VPS13B: variants seen among roughly 807,000 people sequenced by gnomAD.
VPS13B encodes the protein intermembrane lipid transfer protein VPS13B.
In VPS13B, 285 loss-of-function variants were observed where a neutral mutation model predicts 426.4. The ratio of observed to expected loss-of-function variants is 0.67; its 90% CI spans 0.61 to 0.74. The LOEUF (loss-of-function observed/expected upper bound fraction) is 0.74, where lower values mean the gene tolerates loss of function less well. Ranked by LOEUF, VPS13B falls within the 30% of genes least tolerant of loss-of-function variation. The pLI, the probability that VPS13B is intolerant of heterozygous loss-of-function variation, is 0.00. For missense variants in VPS13B, 4,537 were observed against 4,782.6 expected (o/e 0.95, Z 1.51); for synonymous variants, 1,676 against 1,676.4 (o/e 1.00, Z 0.01).
intron 12 of VPS13B, among the ~76,000 whole-genome samples, chr8:99,137,523 A>T (rs1020815892): frequency 5.9e-5 from 9 of 151,782 alleles, no homozygotes; most frequent in African/African-American, 2.2e-4. Flanking sequence ...GAGAACTAGA[A>T]GTGTGGGTAA....
At chr8:99,808,508 C>CAAAA (rs758638504) in intron 43 of VPS13B, among the ~76,000 whole-genome samples, 72 of 64,922 alleles carry the variant, frequency 1.1e-3, no homozygotes, top group African/African-American at 3.7e-3. Context: ...GAGCGAGACT[C>CAAAA]AAAAAAAAAA....
intron 34 of VPS13B, among the ~76,000 whole-genome samples, chr8:99,657,834 T>A (rs1830077507): frequency 6.6e-6 from 1 of 152,156 alleles, no homozygotes; most frequent in African/African-American, 2.4e-5. Context: ...ACATGTACAT[T>A]TATAATTTTG....
At chr8:99,376,016 G>A (rs1032883135) in intron 19 of VPS13B, among the ~76,000 whole-genome samples, 30 of 151,918 alleles carry the variant, frequency 2.0e-4, no homozygotes, top group South Asian at 4.2e-4. Context: ...CTCTTATTTC[G>A]GCTCTCATTC....
intron 3 of VPS13B, among the ~76,000 whole-genome samples, chr8:99,088,556 G>T (rs571819103): frequency 6.6e-6 from 1 of 152,208 alleles, no homozygotes; most frequent in East Asian, 1.9e-4. Flanking sequence ...TCAATTTGAG[G>T]TGCTCACATA....
intron 30 of VPS13B, among the ~76,000 whole-genome samples, chr8:99,531,964 A>G (rs1822957929): frequency 1.3e-5 from 2 of 152,074 alleles, no homozygotes; most frequent in African/African-American, 4.8e-5. Context: ...TTTCAAGAGT[A>G]TTTCATTTGT....
Position 99,197,039 on chromosome 8 carries a change from T to G in VPS13B, c.2515+3982T>G, listed in dbSNP as rs571017597. 1.3e-5 allele frequency among the ~76,000 whole-genome samples: 2 copies of G among 152,324 alleles called. 1 individual carries two copies. Among genetic ancestry groups the G allele is most frequent in the Admixed American group, 1.3e-4 (2 of 15,302 alleles). On this transcript the variant is annotated intron_variant, in intron 17 of 61. Transcript: ENST00000357162. ...TAGTAGTTTTGATCACGAGAGGCTG[T>G]TGAATTTTGTCAAATGCCTTTTCTG...
intron 40 of VPS13B, among the ~76,000 whole-genome samples, chr8:99,769,248 A>G (rs1024707222): frequency 2.0e-5 from 3 of 152,166 alleles, no homozygotes; most frequent in African/African-American, 7.2e-5. Flanking sequence ...TTTCAGATAG[A>G]AGTTGATATT....
chr8:99,103,790 C>G (rs951802121), intron 5 of VPS13B, among the ~76,000 whole-genome samples: 1 of 151,954 alleles, frequency 6.6e-6, no homozygotes, highest in Admixed American at 6.6e-5. Flanking sequence ...TGAGCCACTG[C>G]GCCTGGCCAA....
At chr8:99,257,567 C>T (rs938959540) in intron 17 of VPS13B, among the ~76,000 whole-genome samples, 8 of 151,638 alleles carry the variant, frequency 5.3e-5, no homozygotes, top group Non-Finnish European at 8.9e-5. Context: ...TGTGTACACA[C>T]ACACACACAC....
chr8:99,081,636 G>GGCCCCA (rs1845467173), intron 3 of VPS13B, among the ~76,000 whole-genome samples: 1 of 108,620 alleles, frequency 9.2e-6, no homozygotes, highest in African/African-American at 3.9e-5. Flanking sequence ...AACAGGCCCC[G>GGCCCCA]GTGTGTGATG....
chr8:99,516,615 C>G (rs1279597579), intron 29 of VPS13B, among the ~76,000 whole-genome samples: 1 of 150,752 alleles, frequency 6.6e-6, no homozygotes, highest in Admixed American at 6.6e-5. Flanking sequence ...ATGGCGAAAC[C>G]CCATCCTACA....
chr8:99,774,072 G>T (rs1811633784), intron 40 of VPS13B, among the ~76,000 whole-genome samples: 1 of 152,072 alleles, frequency 6.6e-6, no homozygotes, highest in African/African-American at 2.4e-5. Flanking sequence ...ACACATACAT[G>T]CTACTTTTAT....
At chr8:99,478,466 GTTTTTTGTT>G (rs1819855410) in intron 24 of VPS13B, among the ~76,000 whole-genome samples, 1 of 41,974 alleles carries the variant, frequency 2.4e-5, no homozygotes. Context: ...TTTTTTTTTT[GTTTTTTGTT>G]TTTTTTTTTT....
At chr8:99,450,291 AAGC>A in intron 23 of VPS13B, among the ~76,000 whole-genome samples, 1 of 152,214 alleles carries the variant, frequency 6.6e-6, no homozygotes, top group African/African-American at 2.4e-5. Flanking sequence ...AGGATAACTA[AAGC>A]AAAAATGAAA....
chr8:99,374,301 A>G (rs1813353593), intron 19 of VPS13B, among the ~76,000 whole-genome samples: 1 of 151,672 alleles, frequency 6.6e-6, no homozygotes, highest in Non-Finnish European at 1.5e-5. Flanking sequence ...TGGTTGATAT[A>G]TGTCAGTTTG....
intron 34 of VPS13B, 76 bp from the exon 35 acceptor site, chr8:99,661,278 T>G: frequency 6.3e-7 from 1 of 1,575,954 alleles, no homozygotes; most frequent in Non-Finnish European, 8.7e-7. Flanking sequence ...CTCTCATTTA[T>G]TAACTCAAAC....
intron 24 of VPS13B, among the ~76,000 whole-genome samples, chr8:99,478,291 C>T (rs1256369916): frequency 6.6e-6 from 1 of 151,388 alleles, no homozygotes; most frequent in Non-Finnish European, 1.5e-5. Context: ...ATTTATTTAT[C>T]GTTTTTATTG....
At chr8:99,359,828 G>C (rs1031319557) in intron 19 of VPS13B, among the ~76,000 whole-genome samples, 1 of 152,080 alleles carries the variant, frequency 6.6e-6, no homozygotes, top group Non-Finnish European at 1.5e-5. Context: ...AAGAAAACAG[G>C]ATCTCTCTCT....
chr8:99,670,708 T>G (rs115192597), intron 35 of VPS13B, among the ~76,000 whole-genome samples: 1,626 of 152,218 alleles, frequency 0.011, 17 homozygotes, highest in South Asian at 0.029. Flanking sequence ...ATTTTTACGT[T>G]CCATATATAA....
Sources: allele counts gnomAD v4.1 joint callset (sites outside exome capture counted in the v4.1 genomes callset), GRCh38; gene constraint gnomAD v4.1.1; transcripts MANE v1.5; gene names NCBI Gene and HGNC (gene_info 2026-07-23, HGNC 2026-07-21).